The following STOX2 variants were observed in gnomAD, a reference collection of about 807,000 sequenced individuals.
The protein encoded by STOX2 is storkhead box 2.
Under a neutral mutation model 60.9 loss-of-function variants are expected in STOX2, and 28 were observed. The ratio of observed to expected loss-of-function variants is 0.46; its 90% CI spans 0.34 to 0.63. The LOEUF is 0.63. Among genes scored for constraint, STOX2 ranks in the 30% least tolerant of loss-of-function variants. The pLI is 0.01. For missense variants in STOX2, 1,024 were observed against 1,187.7 expected (o/e 0.86, Z 2.03); for synonymous variants, 472 against 463.9 (o/e 1.02, Z -0.22).
Position 183,876,795 on chromosome 4 carries a change from C to G in STOX2, c.364+78740C>G, listed in dbSNP as rs574787767. On this transcript the variant is annotated intron_variant, in intron 1 of 2. Transcript: ENST00000513034. ...GGGTTGCCAGGAAGGTCATGTAAACCAGTGAAGTGGGCCAAGCGGGCATTC... is the reference window on the plus strand; with the variant it reads ...GGGTTGCCAGGAAGGTCATGTAAACGAGTGAAGTGGGCCAAGCGGGCATTC... Among the ~76,000 whole-genome samples the G allele has an allele frequency of 5.3e-5, 8 of 152,354 alleles. No homozygotes were observed. In the South Asian group the frequency reaches 1.7e-3, roughly 32 times the overall value.
At chr4:183,799,194 T>G (rs541417343) in intron 1 of STOX2, among the ~76,000 whole-genome samples, 2 of 152,344 alleles carry the variant, frequency 1.3e-5, no homozygotes, top group South Asian at 4.1e-4. Flanking sequence ...GAAGAGATCT[T>G]TACAAAGCTT....
chr4:183,888,281 C>G (rs971728204), intron 1 of STOX2, among the ~76,000 whole-genome samples: 3 of 152,190 alleles, frequency 2.0e-5, no homozygotes, highest in Admixed American at 6.5e-5. Flanking sequence ...TTATAATGCT[C>G]TCTACCAGGC....
At chr4:183,877,923 C>T (rs1210207693) in intron 1 of STOX2, among the ~76,000 whole-genome samples, 1 of 152,126 alleles carries the variant, frequency 6.6e-6, no homozygotes, top group East Asian at 1.9e-4. Context: ...CTCTTGACCC[C>T]AAGTAATCTG....
At chr4:183,817,667 G>A (rs7690571) in intron 1 of STOX2, among the ~76,000 whole-genome samples, 14,196 of 152,162 alleles carry the variant, frequency 0.093, 2,123 homozygotes, top group African/African-American at 0.32. Flanking sequence ...AGTGACTTTT[G>A]AGAAGTTACA....
At position 184,017,512 on chromosome 4, in the gene STOX2, T is replaced by G. The variant is rs1734427184; in HGVS notation, c.*228T>G. The G allele has an allele frequency of 2.4e-6, 1 of 418,602 alleles. No homozygotes were observed. Among genetic ancestry groups the G allele is most frequent in the South Asian group, 4.1e-5 (1 of 24,196 alleles). The allele number at this position is 418,602 out of a possible 1,614,324, so 25.9% of individuals were successfully genotyped here. ...CAACTGAGTAACAGTAGGGGTGATATGTATACTTTTGCTTCACTAATTGTA... is the reference window on the plus strand; with the variant it reads ...CAACTGAGTAACAGTAGGGGTGATAGGTATACTTTTGCTTCACTAATTGTA... On this transcript the variant is annotated 3_prime_UTR_variant, in exon 4 of 4. Coordinates refer to ENST00000308497, the MANE Select transcript of STOX2 (RefSeq NM_020225.3).
intron 1 of STOX2, among the ~76,000 whole-genome samples, chr4:183,946,904 G>C (rs1478074081): frequency 6.6e-6 from 1 of 152,096 alleles, no homozygotes; most frequent in Non-Finnish European, 1.5e-5. Context: ...TGGGATTACA[G>C]GTGTGAGCCA....
At chr4:183,954,718 G>T (rs566110177) in intron 1 of STOX2, among the ~76,000 whole-genome samples, 4 of 151,970 alleles carry the variant, frequency 2.6e-5, no homozygotes, top group Non-Finnish European at 5.9e-5. Flanking sequence ...TTGCCTGATC[G>T]CTTCCCCACC....
chr4:183,935,764 G>A (rs1742572606), intron 1 of STOX2, among the ~76,000 whole-genome samples: 1 of 152,218 alleles, frequency 6.6e-6, no homozygotes, highest in Admixed American at 6.5e-5. Context: ...CATTGTGCCT[G>A]GGACTAAGGA....
chr4:183,807,004 G>A (rs891607472), intron 1 of STOX2, among the ~76,000 whole-genome samples: 16 of 151,348 alleles, frequency 1.1e-4, no homozygotes, highest in Admixed American at 2.0e-4. Context: ...ACGGAGTCTT[G>A]CTCTGTCGCC....
At chr4:184,008,188 T>G (rs1733958971) in intron 2 of STOX2, among the ~76,000 whole-genome samples, 1 of 152,192 alleles carries the variant, frequency 6.6e-6, no homozygotes, top group East Asian at 1.9e-4. Context: ...TTACCACCCT[T>G]TATGTGCCTG....
At chr4:183,812,531 G>A (rs559613853) in intron 1 of STOX2, among the ~76,000 whole-genome samples, 1 of 152,274 alleles carries the variant, frequency 6.6e-6, no homozygotes, top group East Asian at 1.9e-4. Flanking sequence ...TAGAAACTCA[G>A]TTACGTGCTG....
At chr4:184,005,007 T>G (rs1354966018) in intron 2 of STOX2, among the ~76,000 whole-genome samples, 3 of 152,222 alleles carry the variant, frequency 2.0e-5, no homozygotes, top group Non-Finnish European at 4.4e-5. Flanking sequence ...ATTCGTCTCC[T>G]TATGTTGGCT....
At chr4:183,928,226 G>C (rs1215846091) in intron 1 of STOX2, among the ~76,000 whole-genome samples, 1 of 142,338 alleles carries the variant, frequency 7.0e-6, no homozygotes, top group East Asian at 2.0e-4. Context: ...CTCGGGGGGG[G>C]GCATTTTGTA....
In STOX2 at chr4:184,011,341, A is replaced by C; in HGVS notation, c.2503A>C (p.Asn835His). Reference sequence around the variant, plus strand: ...TCCAAAAGAAACCGACAGCAGCAGCAACCAGAGAGCCACCCATTCAGCCCG... The same window carrying C: ...TCCAAAAGAAACCGACAGCAGCAGCCACCAGAGAGCCACCCATTCAGCCCG... ...LAPKETDSSS[N>H]QRATHSARLD... The change falls in exon 3 of 4, where the codon AAC (asparagine) becomes CAC (histidine). Residue 835 changes from asparagine (N) to histidine (H), a missense_variant. Physicochemically the swap from Asn to His is moderately conservative, Grantham distance 68. Around this residue, in one of 3 missense-constraint regions of STOX2, gnomAD observed 922 missense variants for 1,058.3 expected, o/e 0.87. Transcript: ENST00000308497. The surrounding 1 kb of genome is among the most constrained non-coding windows in gnomAD (Gnocchi z 4.4). 6.2e-7 allele frequency: 1 copy of C among 1,614,038 alleles called. No homozygotes were observed. Among genetic ancestry groups the C allele is most frequent in the South Asian group, 1.1e-5 (1 of 91,084 alleles).
rs544084772 is a variant in STOX2, at chr4:183,899,523, G to T, written c.364+101468G>T. The stretch of plus-strand genomic sequence containing the variant: ...CTTAATGCTGGTATGGAGAAAATTT[G>T]AGTGGTCTGGACAGAAGACCAAGCC... On this transcript the variant is annotated intron_variant, in intron 1 of 2. Transcript: ENST00000513034. Among the ~76,000 whole-genome samples, 5 of 152,314 alleles carry T rather than the reference G, an allele frequency of 3.3e-5. No individual in the cohort carries two copies. In the South Asian group the frequency reaches 8.3e-4, roughly 25 times the overall value.
chr4:183,993,902 T>C (rs1480106805), intron 1 of STOX2, among the ~76,000 whole-genome samples: 1 of 152,186 alleles, frequency 6.6e-6, no homozygotes, highest in Non-Finnish European at 1.5e-5. Flanking sequence ...ATGGGTGCTG[T>C]GGTCTTCAAG....
rs1166591442 is a variant in STOX2 at position 183,865,492 on chromosome 4, CTGTT to C, written c.364+67440_364+67443del. On this transcript the variant is annotated intron_variant, in intron 1 of 2. Coordinates refer to the STOX2 transcript ENST00000513034. This position sits in a 1 kb window ranked among gnomAD's most constrained non-coding sequence, Gnocchi z 4.1. ...TATTTTCTCTAAATGAGCTTACGGTCTGTTTGGGGAGATAAGTATTATAATACAA... is the reference window on the plus strand; with the variant it reads ...TATTTTCTCTAAATGAGCTTACGGTCTGGGGAGATAAGTATTATAATACAA... Among the ~76,000 whole-genome samples, 2 of 152,110 alleles carry C rather than the reference CTGTT, an allele frequency of 1.3e-5. No homozygotes were observed. Among genetic ancestry groups the C allele is most frequent in the Non-Finnish European group, 2.9e-5 (2 of 68,036 alleles).
Position 183,984,739 on chromosome 4 carries a change from C to A in STOX2, c.167-16586C>A, listed in dbSNP as rs369423592. 1.4e-4 allele frequency among the ~76,000 whole-genome samples: 21 copies of A among 152,360 alleles called. 1 individual carries two copies. In the South Asian group the frequency reaches 4.1e-3, roughly 30 times the overall value. ...GCCAAGGACGCAGGCGAGTGCCAAGCACAGCCTCTGCCCACACTTCATCAA... is the reference window on the plus strand; with the variant it reads ...GCCAAGGACGCAGGCGAGTGCCAAGAACAGCCTCTGCCCACACTTCATCAA... On this transcript the variant is annotated intron_variant, in intron 1 of 3. Transcript: ENST00000308497.
intron 1 of STOX2, among the ~76,000 whole-genome samples, chr4:183,807,191 C>G (rs1738920712): frequency 6.6e-6 from 1 of 152,146 alleles, no homozygotes; most frequent in African/African-American, 2.4e-5. Context: ...CCATGATGGT[C>G]TCGATCTCCT....
Sources: gnomAD v4.1 joint callset for allele counts (sites outside exome capture counted in the v4.1 genomes callset) on GRCh38, gnomAD v4.1.1 for gene constraint, gnomAD v4.1.1 regional missense constraint, Gnocchi (gnomAD v3.1) non-coding constraint, MANE v1.5 for transcripts, NCBI Gene and HGNC (gene_info 2026-07-23, HGNC 2026-07-21) for gene names.